The following LDB3 variants were observed in gnomAD, a reference collection of about 807,000 sequenced individuals.
LDB3 encodes LIM domain-binding protein 3.
Under a neutral mutation model 69.0 loss-of-function variants are expected in LDB3, and 49 were observed. That is an observed-to-expected ratio of 0.71 (90% CI 0.56 to 0.90). The LOEUF is 0.90. LDB3 is among the 40% of genes least tolerant of loss of function. The probability of loss-of-function intolerance (pLI) is 0.00; values close to 1 mark genes in which losing one functional copy is unlikely to be tolerated. For synonymous variants in LDB3, 387 were observed against 396.2 expected (o/e 0.98, Z 0.28); for missense variants, 928 against 974.1 (o/e 0.95, Z 0.63).
At chr10:86,716,259 G>T in intron 9 of LDB3, 68 bp from the exon 10 acceptor site, 22 of 1,565,604 alleles carry the variant, frequency 1.4e-5, no homozygotes, top group Non-Finnish European at 1.9e-5. Flanking sequence ...CTCTGGCTAG[G>T]AGTGAGGGGA....
Position 86,685,751 on chromosome 10 carries a change from T to C in LDB3, c.689+3948T>C, listed in dbSNP as rs1224869809. ...GTGCGCTTGCGTGCCAGCCCCAGCA[T>C]GTGTCTGCGTGTGTCTGGCGTGGAT... On this transcript the variant is annotated intron_variant, in intron 5 of 13. Transcript: ENST00000361373. 3.8e-6 allele frequency: 6 copies of C among 1,593,534 alleles called. No homozygotes were observed. In the South Asian group the frequency reaches 5.5e-5, roughly 15 times the overall value.
At chr10:86,713,065 A>AAAATAT (rs1228251475) in intron 9 of LDB3, among the ~76,000 whole-genome samples, 3 of 148,490 alleles carry the variant, frequency 2.0e-5, no homozygotes, top group Admixed American at 6.8e-5. Flanking sequence ...CCGTCTCAAA[A>AAAATAT]ATATATATAT....
intron 13 of LDB3, among the ~76,000 whole-genome samples, chr10:86,731,461 G>T (rs1224862855): frequency 6.6e-6 from 1 of 151,896 alleles, no homozygotes; most frequent in Non-Finnish European, 1.5e-5. Flanking sequence ...CTGATCTCGT[G>T]GTCCTCCTGC....
chr10:86,706,575 CCCCGCTGCTG>C lies in LDB3; in HGVS notation c.948_957del (p.Ala319SerfsTer170), dbSNP rs760482922. On this transcript the variant is annotated frameshift_variant, in exon 8 of 14. Transcript: ENST00000361373. LOFTEE classifies it high-confidence loss of function. ...CCGGTGTGCACCAGCCAGGCCACCA[CCCCGCTGCTG>C]CCCGCTTCTGCCCAGCCACCTGCTG... The C allele has an allele frequency of 3.1e-6, 5 of 1,613,082 alleles. No homozygotes were observed. The highest frequency in any genetic ancestry group is 4.2e-6 in the Non-Finnish European group (5 of 1,179,992).
chr10:86,718,954 G>T, intron 12 of LDB3, 107 bp downstream of exon 12: 1 of 1,411,092 alleles, frequency 7.1e-7, no homozygotes, highest in Non-Finnish European at 9.6e-7. Context: ...CCACCCAGAG[G>T]CCTTTATTTC....
intron 12 of LDB3, among the ~76,000 whole-genome samples, chr10:86,721,073 G>T (rs572773641): frequency 6.6e-6 from 1 of 152,292 alleles, no homozygotes; most frequent in South Asian, 2.1e-4. Flanking sequence ...GCCTCCTGAA[G>T]TGCTGGGATT....
chr10:86,696,752 C>T (rs751564153), intron 7 of LDB3, among the ~76,000 whole-genome samples: 10 of 152,158 alleles, frequency 6.6e-5, no homozygotes, highest in Non-Finnish European at 1.3e-4. Context: ...TCAAGGAGCC[C>T]CACCACATGG....
intron 5 of LDB3, among the ~76,000 whole-genome samples, chr10:86,683,254 T>C (rs1845263707): frequency 6.6e-6 from 1 of 152,212 alleles, no homozygotes; most frequent in Non-Finnish European, 1.5e-5. Context: ...ACTCTGGCTA[T>C]GGACCAGCTA....
intron 7 of LDB3, among the ~76,000 whole-genome samples, chr10:86,693,889 AAAAGTCTTT>A (rs1390897551): frequency 1.3e-5 from 2 of 152,136 alleles, no homozygotes; most frequent in Non-Finnish European, 2.9e-5. Context: ...CATTTGATAA[AAAAGTCTTT>A]AAATCACACA....
chr10:86,711,549 T>C (rs572749387), intron 9 of LDB3, among the ~76,000 whole-genome samples: 2 of 151,742 alleles, frequency 1.3e-5, no homozygotes, highest in South Asian at 2.1e-4. Context: ...GGGCGTGTGG[T>C]CCCGAGCCCC....
chr10:86,709,905 G>T lies in LDB3; in HGVS notation c.1086G>T (p.Arg362Ser). 1 of 1,609,698 alleles carries T rather than the reference G, an allele frequency of 6.2e-7. No homozygotes were observed. Among genetic ancestry groups the T allele is most frequent in the Middle Eastern group, 1.8e-4 (1 of 5,668 alleles). The change falls in exon 9 of 14, where the codon AGG (arginine) becomes AGT (serine). Residue 362 changes from arginine to serine, a missense_variant and splice_region_variant. Arg to Ser is a moderately radical substitution (Grantham distance 110). Coordinates refer to ENST00000361373, the MANE Select transcript of LDB3 (RefSeq NM_007078.3). ...GTAACCCCTCCCCGCTTGGTTCCAG[G>T]CCCCAGGCCTCTTCCTACAGCCCCG... ...APASSPADSP[R>S]PQASSYSPAV... is the part of the protein sequence containing the mutation.
At chr10:86,706,152 G>A (rs1156428298) in intron 7 of LDB3, among the ~76,000 whole-genome samples, 1 of 151,934 alleles carries the variant, frequency 6.6e-6, no homozygotes, top group Non-Finnish European at 1.5e-5. Context: ...GACTGAATGG[G>A]GAAGGGTGAA....
At chr10:86,690,728 G>A (rs1033347841) in intron 5 of LDB3, among the ~76,000 whole-genome samples, 5 of 152,234 alleles carry the variant, frequency 3.3e-5, no homozygotes, top group African/African-American at 9.6e-5. Flanking sequence ...GAAGAGTACT[G>A]GACAGGGCAT....
In LDB3 at chr10:86,733,000, C is replaced by G. The variant is rs200688014; in HGVS notation, c.*24C>G. The G allele has an allele frequency of 1.9e-5, 30 of 1,563,002 alleles. No individual in the cohort carries two copies. The East Asian group carries it at 4.1e-4, about 21-fold the overall frequency. On this transcript the variant is annotated 3_prime_UTR_variant, in exon 14 of 14. Coordinates refer to ENST00000361373, the MANE Select transcript of LDB3 (RefSeq NM_007078.3). ...AGGCGGCCAAGGCCGCCTGTGCTGACGAGGCCCGGAGCTGCTCCTGCTGCT... is the reference window on the plus strand; with the variant it reads ...AGGCGGCCAAGGCCGCCTGTGCTGAGGAGGCCCGGAGCTGCTCCTGCTGCT...
At chr10:86,722,321 C>T (rs1232791122) in intron 12 of LDB3, among the ~76,000 whole-genome samples, 2 of 152,162 alleles carry the variant, frequency 1.3e-5, no homozygotes, top group Admixed American at 6.5e-5. Context: ...AGTGCAGTGG[C>T]GCGATCTTGG....
intron 7 of LDB3, among the ~76,000 whole-genome samples, chr10:86,694,698 G>T (rs1026332448): frequency 5.9e-5 from 9 of 152,206 alleles, no homozygotes; most frequent in African/African-American, 2.2e-4. Context: ...GGTGCAGTGG[G>T]TGTAGCAGTT....
At chr10:86,679,234 G>T (rs898679766) in intron 2 of LDB3, 133 bp from the exon 3 acceptor site, 12 of 1,067,326 alleles carry the variant, frequency 1.1e-5, no homozygotes, top group Non-Finnish European at 1.7e-5. Context: ...TTAGCAGCTG[G>T]TACTGGCCGT....
chr10:86,703,235 G>A (rs569610771), intron 7 of LDB3, among the ~76,000 whole-genome samples: 1 of 152,226 alleles, frequency 6.6e-6, no homozygotes, highest in African/African-American at 2.4e-5. Context: ...AGATAAAGGA[G>A]ATCAGTGTTC....
rs554948705 is a variant in LDB3, at chr10:86,677,937, G to C, written c.94-1430G>C. Among the ~76,000 whole-genome samples, 3 of 152,348 alleles carry C rather than the reference G, an allele frequency of 2.0e-5. No individual in the cohort carries two copies. In the East Asian group the frequency reaches 5.8e-4, roughly 29 times the overall value. Reference sequence around the variant, plus strand: ...GGGATGCTGCTGTGTCTTAGCTGCTGCATCTCCCTTTTCTCCTGGAGTCTG... The same window carrying C: ...GGGATGCTGCTGTGTCTTAGCTGCTCCATCTCCCTTTTCTCCTGGAGTCTG... On this transcript the variant is annotated intron_variant, in intron 2 of 13. Transcript: ENST00000361373.
Sources: allele counts gnomAD v4.1 joint callset (sites outside exome capture counted in the v4.1 genomes callset), GRCh38; gene constraint gnomAD v4.1.1; transcripts MANE v1.5; gene names NCBI Gene and HGNC (gene_info 2026-07-23, HGNC 2026-07-21).